The following RIPK1 variants were observed in gnomAD, a reference collection of about 807,000 sequenced individuals.
RIPK1 encodes the protein receptor interacting serine/threonine kinase 1.
RIPK1 carries 27 observed loss-of-function variants against 62.4 expected under a neutral mutation model. The ratio of observed to expected loss-of-function variants is 0.43; its 90% CI spans 0.32 to 0.60. The LOEUF (loss-of-function observed/expected upper bound fraction) is 0.60. RIPK1 is among the 20% of genes least tolerant of loss of function. The probability of loss-of-function intolerance (pLI) is 0.07; values close to 1 mark genes in which losing one functional copy is unlikely to be tolerated. For missense variants in RIPK1, 735 were observed against 831.0 expected (o/e 0.88, Z 1.42); for synonymous variants, 287 against 303.2 (o/e 0.95, Z 0.55).
rs752673519 is a variant in RIPK1, at chr6:3,085,297, T to G, written c.727T>G (p.Ser243Ala). 2 of 1,614,204 alleles carry G rather than the reference T, an allele frequency of 1.2e-6. No individual in the cohort carries two copies. Among genetic ancestry groups the G allele is most frequent in the Non-Finnish European group, 1.7e-6 (2 of 1,180,034 alleles). The change falls in exon 6 of 11, where the codon TCT (serine) becomes GCT (alanine). Residue 243 changes from serine (S) to alanine (A), a missense_variant. Physicochemically the swap from Ser to Ala is moderately conservative, Grantham distance 99. Transcript: ENST00000259808. ...CEQQLIMCIK[S>A]GNRPDVDDIT... ...GCAGCAGTTGATAATGTGCATAAAA[T>G]CTGGGAACAGGCCAGATGTGGATGA...
At position 3,094,109 on chromosome 6, in the gene RIPK1, A is replaced by AGC. The variant is rs1760147239; in HGVS notation, c.915+4453_915+4454insCG. On this transcript the variant is annotated intron_variant, in intron 7 of 10. Coordinates refer to ENST00000259808, the MANE Select transcript of RIPK1 (RefSeq NM_001354930.2). ...TACCTCCTGCACCTAGTAACTGCAG[A>AGC]GTACCTACCTGCCGCACCTAGTAAC... Among the ~76,000 whole-genome samples the AGC allele has an allele frequency of 1.7e-5, 2 of 120,068 alleles. 1 individual carries two copies. Among genetic ancestry groups the AGC allele is most frequent in the African/African-American group, 9.3e-5 (2 of 21,468 alleles). 78.8% of individuals were successfully genotyped at this position (120,068 alleles called of 152,430 possible).
chr6:3,069,181 C>T (rs1489390827), intron 1 of RIPK1, among the ~76,000 whole-genome samples: 1 of 152,188 alleles, frequency 6.6e-6, no homozygotes, highest in Non-Finnish European at 1.5e-5. Context: ...AAGGTGGGCT[C>T]CTAGTGCCCT....
At chr6:3,077,048 G>A in intron 2 of RIPK1, 61 bp downstream of exon 2, 2 of 1,489,016 alleles carry the variant, frequency 1.3e-6, no homozygotes, top group East Asian at 4.8e-5. Context: ...GTTGGCTGTT[G>A]TGGAGCCGTT....
chr6:3,069,854 T>C (rs1036763668), intron 1 of RIPK1, among the ~76,000 whole-genome samples: 4 of 152,058 alleles, frequency 2.6e-5, no homozygotes, highest in African/African-American at 9.7e-5. Flanking sequence ...CTACTAAAAA[T>C]ACAAAAATTA....
At position 3,076,699 on chromosome 6, in the gene RIPK1, C is replaced by CATATATATATATATATATATATATATAT. The variant is rs10526418; in HGVS notation, c.-60-38_-60-37insTATATATATATATATATATATATATATA. Reference sequence around the variant, plus strand: ...TGTCTCCAAAGGAGAAAAAAAAAAACATATATATATATATATATATATATA... The same window carrying CATATATATATATATATATATATATATAT: ...TGTCTCCAAAGGAGAAAAAAAAAAACATATATATATATATATATATATATATATATATATATATATATATATATATATA... On this transcript the variant is annotated intron_variant, in intron 1 of 10. Coordinates refer to ENST00000259808, the MANE Select transcript of RIPK1 (RefSeq NM_001354930.2). 43 of 209,684 alleles carry CATATATATATATATATATATATATATAT rather than the reference C, an allele frequency of 2.1e-4. 1 individual carries two copies. The highest frequency in any genetic ancestry group is 2.2e-3 in the Middle Eastern group (1 of 460). 13.0% of individuals were successfully genotyped at this position (209,684 alleles called of 1,614,324 possible).
chr6:3,076,937 C>T lies in RIPK1; in HGVS notation c.114C>T (p.Thr38=). 6.2e-7 allele frequency: 1 copy of T among 1,612,120 alleles called. No homozygotes were observed. The highest frequency in any genetic ancestry group is 8.5e-7 in the Non-Finnish European group (1 of 1,179,208). ...FGKVSLCFHR[T]QGLMIMKTVY... ...AGGTGTCTCTGTGTTTCCACAGAAC[C>T]CAGGGACTCATGATCATGAAAACAG... is the stretch of plus-strand genomic sequence containing the variant. The change falls in exon 2 of 11, where the codon ACC becomes ACT. Residue 38 remains threonine (T), a synonymous_variant. Transcript: ENST00000259808.
Position 3,106,035 on chromosome 6 carries a change from C to T in RIPK1, c.1560C>T (p.Ser520=), listed in dbSNP as rs777393136. ...YLGNTPTMPF[S]SLPPTDESIK... ...GAAATACACCCACCATGCCATTCAG[C>T]TCCTTGCCACCAACAGGTAAATGGG... The change falls in exon 9 of 11, where the codon AGC becomes AGT. Residue 520 remains serine (S), a synonymous_variant. Transcript: ENST00000259808. The T allele has an allele frequency of 1.2e-6, 2 of 1,603,930 alleles. 1 individual carries two copies. Among genetic ancestry groups the T allele is most frequent in the South Asian group, 2.2e-5 (2 of 90,514 alleles).
At chr6:3,085,987 G>A (rs1010701351) in intron 6 of RIPK1, among the ~76,000 whole-genome samples, 4 of 152,098 alleles carry the variant, frequency 2.6e-5, no homozygotes, top group African/African-American at 9.7e-5. Context: ...TTATCCATTC[G>A]TCCGTCTATG....
chr6:3,100,433 T>A (rs560416972), intron 7 of RIPK1, among the ~76,000 whole-genome samples: 45 of 151,960 alleles, frequency 3.0e-4, no homozygotes, highest in African/African-American at 1.0e-3. Flanking sequence ...CAAATATATA[T>A]ATATTTCTGG....
intron 6 of RIPK1, among the ~76,000 whole-genome samples, chr6:3,086,308 A>C (rs1026456482): frequency 1.3e-5 from 2 of 152,248 alleles, no homozygotes; most frequent in Non-Finnish European, 2.9e-5. Flanking sequence ...AGTAATACCC[A>C]GGGGTACAAT....
upstream of RIPK1, among the ~76,000 whole-genome samples, chr6:3,065,608 T>C (rs1758347956): frequency 6.6e-6 from 1 of 151,856 alleles, no homozygotes; most frequent in Non-Finnish European, 1.5e-5. Flanking sequence ...AGGGTCTCAT[T>C]TCCAAGTGCA....
chr6:3,095,134 G>C (rs1760219713), intron 7 of RIPK1, among the ~76,000 whole-genome samples: 1 of 152,078 alleles, frequency 6.6e-6, no homozygotes, highest in South Asian at 2.1e-4. Flanking sequence ...AATCACTATA[G>C]GTCCTGCAGA....
At chr6:3,096,508 A>G (rs1362750452) in intron 7 of RIPK1, among the ~76,000 whole-genome samples, 1 of 151,512 alleles carries the variant, frequency 6.6e-6, no homozygotes, top group Non-Finnish European at 1.5e-5. Flanking sequence ...GCTCTTCTCA[A>G]ATTGATCTAT....
Position 3,108,220 on chromosome 6 carries a change from T to A in RIPK1, c.1576+2169T>A, listed in dbSNP as rs17513235. Reference sequence around the variant, plus strand: ...AAAGGAAAGCTCACTGGGCTAAGAGTCAGGAGACCCAGGTCTAGTCCTGCT... The same window carrying A: ...AAAGGAAAGCTCACTGGGCTAAGAGACAGGAGACCCAGGTCTAGTCCTGCT... On this transcript the variant is annotated intron_variant, in intron 9 of 10. Coordinates refer to ENST00000259808, the MANE Select transcript of RIPK1 (RefSeq NM_001354930.2). 1.2e-3 allele frequency among the ~76,000 whole-genome samples: 188 copies of A among 151,866 alleles called. 1 individual carries two copies. The highest frequency in any genetic ancestry group is 2.4e-3 in the Non-Finnish European group (161 of 67,972).
At chr6:3,084,591 C>CTTTTTTTTTTT (rs55789041) in intron 5 of RIPK1, among the ~76,000 whole-genome samples, 1 of 134,658 alleles carries the variant, frequency 7.4e-6, no homozygotes, top group Non-Finnish European at 1.5e-5. Context: ...CTTGTACATC[C>CTTTTTTTTTTT]TTTTTTTTTT....
intron 7 of RIPK1, among the ~76,000 whole-genome samples, chr6:3,100,592 T>G (rs946688446): frequency 2.0e-5 from 3 of 151,780 alleles, no homozygotes; most frequent in African/African-American, 7.3e-5. Context: ...TCTTTGGGGG[T>G]TTTTTTGGTT....
chr6:3,104,094 T>A (rs897166562), intron 7 of RIPK1, 131 bp from the exon 8 acceptor site: 16 of 560,928 alleles, frequency 2.9e-5, no homozygotes, highest in Admixed American at 2.1e-4. Flanking sequence ...ACATTAATTT[T>A]AAAAAATTAC....
At chr6:3,083,372 G>C in intron 5 of RIPK1, 59 bp downstream of exon 5, 24 of 1,398,774 alleles carry the variant, frequency 1.7e-5, no homozygotes, top group Non-Finnish European at 2.3e-5. Context: ...ACTGTGCCTG[G>C]AACTAATAGG....
At chr6:3,094,025 C>CTTTAAAGGCTTTTCAAGAACA (rs1760126205) in intron 7 of RIPK1, among the ~76,000 whole-genome samples, 1 of 144,316 alleles carries the variant, frequency 6.9e-6, no homozygotes, top group African/African-American at 2.7e-5. Context: ...GCGCGCCTAC[C>CTTTAAAGGCTTTTCAAGAACA]TGCCGCACCT....
Sources: allele counts gnomAD v4.1 joint callset (sites outside exome capture counted in the v4.1 genomes callset), GRCh38; gene constraint gnomAD v4.1.1; transcripts MANE v1.5; gene names NCBI Gene and HGNC (gene_info 2026-07-23, HGNC 2026-07-21).